The following REEP3 variants were observed in gnomAD, a reference collection of about 807,000 sequenced individuals.
REEP3 encodes the protein receptor expression-enhancing protein 3.
REEP3 carries 20 observed loss-of-function variants against 41.3 expected under a neutral mutation model. The ratio of observed to expected loss-of-function variants is 0.48; its 90% CI spans 0.34 to 0.70. The LOEUF is 0.70. REEP3 is among the 30% of genes least tolerant of loss of function. The pLI is 0.01. For synonymous variants in REEP3, 104 were observed against 101.8 expected (o/e 1.02, Z -0.13); for missense variants, 271 against 308.8 (o/e 0.88, Z 0.92).
At chr10:63,524,801 C>A (rs533412092) in intron 1 of REEP3, among the ~76,000 whole-genome samples, 1 of 152,208 alleles carries the variant, frequency 6.6e-6, no homozygotes, top group East Asian at 1.9e-4. Flanking sequence ...CCCTTCTGAG[C>A]TTCAGTCTTC....
chr10:63,606,861 C>G (rs1956233317), intron 5 of REEP3, among the ~76,000 whole-genome samples: 2 of 152,152 alleles, frequency 1.3e-5, no homozygotes, highest in African/African-American at 4.8e-5. Flanking sequence ...ATCCCATCTG[C>G]CTAAACATTG....
intron 4 of REEP3, among the ~76,000 whole-genome samples, chr10:63,598,368 C>T (rs139348361): frequency 4.0e-5 from 6 of 149,048 alleles, no homozygotes; most frequent in East Asian, 4.0e-4. Flanking sequence ...CCTGTAACCC[C>T]GGTTAGTCAG....
At position 63,557,776 on chromosome 10, in the gene REEP3, A is replaced by C. The variant is rs536420305; in HGVS notation, c.33-8562A>C. ...GAAAAATAACAGAATTGAGACTAGA[A>C]AATAGCAATCAAAGAAAATAAAAAT... On this transcript the variant is annotated intron_variant, in intron 1 of 7. Transcript: ENST00000373758. 2.0e-5 allele frequency among the ~76,000 whole-genome samples: 3 copies of C among 152,254 alleles called. No individual in the cohort carries two copies. In the South Asian group the frequency reaches 6.2e-4, roughly 32 times the overall value.
rs1956305149 is a variant in REEP3 at position 63,615,501 on chromosome 10, C to G, written c.566-4154C>G. The stretch of plus-strand genomic sequence containing the variant: ...AATATTTGACTTGATTCTAGTGTCT[C>G]TTCTCTCTTTGATTCAAGGATTGGT... On this transcript the variant is annotated intron_variant, in intron 6 of 7. Coordinates refer to ENST00000373758, the MANE Select transcript of REEP3 (RefSeq NM_001001330.3). 2.0e-5 allele frequency among the ~76,000 whole-genome samples: 3 copies of G among 151,288 alleles called. 1 individual carries two copies. Among genetic ancestry groups the G allele is most frequent in the Admixed American group, 1.3e-4 (2 of 15,158 alleles).
intron 2 of REEP3, among the ~76,000 whole-genome samples, chr10:63,580,117 G>A (rs975708155): frequency 6.6e-6 from 1 of 151,998 alleles, no homozygotes; most frequent in African/African-American, 2.4e-5. Context: ...ATAATAGCTG[G>A]TTTTCGTTGT....
At chr10:63,546,042 A>C (rs1341626470) in intron 1 of REEP3, among the ~76,000 whole-genome samples, 1 of 152,110 alleles carries the variant, frequency 6.6e-6, no homozygotes. Context: ...GTAAACCCTA[A>C]GTCAGGTCTG....
In REEP3 at chr10:63,591,220, T is replaced by C. The variant is rs997249573; in HGVS notation, c.106-3558T>C. On this transcript the variant is annotated intron_variant, in intron 2 of 7. Transcript: ENST00000373758. ...GAATGGCCTTGAGGTGTAGTTTTAA[T>C]AAAAGCATCACTGAGTAATCATTTG... Among the ~76,000 whole-genome samples, 49 of 151,948 alleles carry C rather than the reference T, an allele frequency of 3.2e-4. 2 individuals carry two copies. Among genetic ancestry groups the C allele is most frequent in the Admixed American group, 2.6e-3 (39 of 15,252 alleles).
chr10:63,589,981 GA>G (rs1352131224), intron 2 of REEP3, among the ~76,000 whole-genome samples: 2 of 151,910 alleles, frequency 1.3e-5, no homozygotes, highest in Non-Finnish European at 2.9e-5. Context: ...TTTTAGTAGA[GA>G]GGGGGTTTCA....
Position 63,622,976 on chromosome 10 carries a change from A to AT in REEP3, c.*2109dup, listed in dbSNP as rs1956366752. ...CGCCTCGGCCTCCCAAACTTCTGGG[A>AT]TTACAGGCGTGAGCCACCGCACCCA... On this transcript the variant is annotated 3_prime_UTR_variant, in exon 8 of 8. Transcript: ENST00000373758. 1 of 152,240 alleles carries AT rather than the reference A, an allele frequency of 6.6e-6. No individual in the cohort carries two copies. The highest frequency in any genetic ancestry group is 2.1e-4 in the South Asian group (1 of 4,832). The allele number at this position is 152,240 out of a possible 1,614,324, so 9.4% of individuals were successfully genotyped here. A position where few individuals can be genotyped will look rare whatever the true frequency, so the allele number is the denominator to read the frequency against.
At chr10:63,592,080 GAAAGGAGGTGATAAT>G (rs1055717723) in intron 2 of REEP3, among the ~76,000 whole-genome samples, 2 of 152,158 alleles carry the variant, frequency 1.3e-5, no homozygotes, top group African/African-American at 4.8e-5. Context: ...ACTTTCCTGG[GAAAGGAGGTGATAAT>G]ATGTACACTG....
chr10:63,533,925 C>G (rs1955450479), intron 1 of REEP3, among the ~76,000 whole-genome samples: 1 of 151,838 alleles, frequency 6.6e-6, no homozygotes, highest in South Asian at 2.1e-4. Context: ...CCGGGCTGGT[C>G]TCAAAGTCCT....
Position 63,603,181 on chromosome 10 carries a change from T to C in REEP3, c.417+3898T>C, listed in dbSNP as rs771468714. On this transcript the variant is annotated intron_variant, in intron 5 of 7. Coordinates refer to ENST00000373758, the MANE Select transcript of REEP3 (RefSeq NM_001001330.3). ...ACAAAAAATTAGGTGGGCGTGGTGGTGGGTGCCTGTAGTCCCAGCAACTCG... is the reference window on the plus strand; with the variant it reads ...ACAAAAAATTAGGTGGGCGTGGTGGCGGGTGCCTGTAGTCCCAGCAACTCG... Among the ~76,000 whole-genome samples the C allele has an allele frequency of 3.8e-4, 58 of 151,368 alleles. 1 individual carries two copies. The highest frequency in any genetic ancestry group is 1.0e-3 in the South Asian group (5 of 4,794).
At chr10:63,557,097 G>A (rs1456189023) in intron 1 of REEP3, among the ~76,000 whole-genome samples, 1 of 152,128 alleles carries the variant, frequency 6.6e-6, no homozygotes, top group Non-Finnish European at 1.5e-5. Context: ...ACCCATGTAG[G>A]CAGTGGTGTG....
intron 1 of REEP3, among the ~76,000 whole-genome samples, chr10:63,528,270 C>T (rs934430371): frequency 6.6e-6 from 1 of 152,150 alleles, no homozygotes; most frequent in African/African-American, 2.4e-5. Context: ...CCATCTGGCT[C>T]CTCTGGCAGC....
intron 6 of REEP3, among the ~76,000 whole-genome samples, chr10:63,613,759 T>G (rs1956293119): frequency 5.3e-5 from 8 of 152,184 alleles, no homozygotes; most frequent in Admixed American, 5.2e-4. Context: ...ACTGTTAGAC[T>G]GCTAGAAGGT....
intron 1 of REEP3, among the ~76,000 whole-genome samples, chr10:63,526,710 A>G (rs1955368176): frequency 6.6e-6 from 1 of 152,142 alleles, no homozygotes. Context: ...CAGTATGTAT[A>G]TACTTTGCCC....
chr10:63,533,426 A>C (rs1236899131), intron 1 of REEP3, among the ~76,000 whole-genome samples: 1 of 152,212 alleles, frequency 6.6e-6, no homozygotes, highest in Non-Finnish European at 1.5e-5. Context: ...TTTTCTGCTT[A>C]GGAAGCTGAT....
At chr10:63,570,942 C>CCATCTCTA (rs1438040152) in intron 2 of REEP3, among the ~76,000 whole-genome samples, 1 of 152,114 alleles carries the variant, frequency 6.6e-6, no homozygotes, top group Non-Finnish European at 1.5e-5. Context: ...TGGTAAAACC[C>CCATCTCTA]CATCTCTACA....
At chr10:63,562,860 C>T (rs1310063606) in intron 1 of REEP3, 5 of 450,750 alleles carry the variant, frequency 1.1e-5, no homozygotes, top group Admixed American at 4.8e-5. Context: ...ATTCTGTCTC[C>T]CCAAACTTCA....
Sources: gnomAD v4.1 joint callset for allele counts (sites outside exome capture counted in the v4.1 genomes callset) on GRCh38, gnomAD v4.1.1 for gene constraint, MANE v1.5 for transcripts, NCBI Gene and HGNC (gene_info 2026-07-23, HGNC 2026-07-21) for gene names.